KIAA0825: variants seen among roughly 807,000 people sequenced by gnomAD.
KIAA0825 encodes the protein KIAA0825.
In KIAA0825, 119 loss-of-function variants were observed where a neutral mutation model predicts 147.6. The observed-to-expected ratio is 0.81, with a 90% CI of 0.69 to 0.94. The LOEUF (loss-of-function observed/expected upper bound fraction) is 0.94. KIAA0825 is among the 40% of genes least tolerant of loss of function. KIAA0825 has a pLI of 0.00. For synonymous variants in KIAA0825, 470 were observed against 518.1 expected, an observed-to-expected ratio of 0.91 and a Z score of 1.26; for missense variants, 1,381 against 1,472.7, an observed-to-expected ratio of 0.94 and a Z score of 1.02.
chr5:94,480,902 A>T (rs1762428402), intron 6 of KIAA0825, among the ~76,000 whole-genome samples: 1 of 136,166 alleles, frequency 7.3e-6, no homozygotes, highest in Non-Finnish European at 1.6e-5. Flanking sequence ...TTTAGATAGG[A>T]TTACTAACAT....
intron 20 of KIAA0825, among the ~76,000 whole-genome samples, chr5:94,229,908 T>C (rs918525619): frequency 1.3e-5 from 2 of 152,176 alleles, no homozygotes; most frequent in Non-Finnish European, 2.9e-5. Context: ...GTATCTCTAA[T>C]TCCTATGGGT....
intron 5 of KIAA0825, among the ~76,000 whole-genome samples, chr5:94,503,576 CA>C (rs1252174659): frequency 6.6e-6 from 1 of 152,170 alleles, no homozygotes; most frequent in Admixed American, 6.5e-5. Flanking sequence ...ATGTCCTCAC[CA>C]GAATAGAATG....
At chr5:94,374,671 C>G (rs907413757) in intron 20 of KIAA0825, among the ~76,000 whole-genome samples, 4 of 152,156 alleles carry the variant, frequency 2.6e-5, no homozygotes, top group African/African-American at 9.7e-5. Context: ...GTGACTTTAG[C>G]TCCAGGCATC....
intron 3 of KIAA0825, among the ~76,000 whole-genome samples, chr5:94,529,275 G>GTATCATATATGTATA (rs1770105495): frequency 9.2e-6 from 1 of 108,538 alleles, no homozygotes; most frequent in African/African-American, 4.8e-5. Flanking sequence ...ATATATGTAT[G>GTATCATATATGTATA]TATCATATAT....
chr5:94,225,126 A>C (rs1303925171), intron 20 of KIAA0825, among the ~76,000 whole-genome samples: 1 of 152,192 alleles, frequency 6.6e-6, no homozygotes, highest in Admixed American at 6.5e-5. Context: ...GAGTACCTTC[A>C]GTGTGCAAGA....
chr5:94,549,952 A>G (rs1375449824), intron 2 of KIAA0825, among the ~76,000 whole-genome samples: 2 of 152,164 alleles, frequency 1.3e-5, no homozygotes, highest in African/African-American at 4.8e-5. Flanking sequence ...AAAGAAAACA[A>G]TAGAAAAGAT....
In KIAA0825 at chr5:94,231,913, A is replaced by G. The variant is rs141224347; in HGVS notation, c.3711-77789T>C. Among the ~76,000 whole-genome samples, 34 of 152,294 alleles carry G rather than the reference A, an allele frequency of 2.2e-4. No homozygotes were observed. In the East Asian group the frequency reaches 6.6e-3, roughly 29 times the overall value. ...GTGTATCTGGTTAGAGATATAACTA[A>G]CATGTTGGGAACTGTGTATAACTGG... is the stretch of plus-strand genomic sequence containing the variant. On this transcript the variant is annotated intron_variant, in intron 20 of 20. Transcript: ENST00000682413.
intron 20 of KIAA0825, among the ~76,000 whole-genome samples, chr5:94,160,429 C>G (rs1275801942): frequency 1.3e-5 from 2 of 149,104 alleles, no homozygotes; most frequent in African/African-American, 4.9e-5. Flanking sequence ...CATATGTATA[C>G]AGTATATATG....
At chr5:94,335,553 T>C (rs577449780) in intron 20 of KIAA0825, among the ~76,000 whole-genome samples, 94 of 152,258 alleles carry the variant, frequency 6.2e-4, no homozygotes, top group African/African-American at 2.1e-3. Flanking sequence ...TAATTTTATA[T>C]GTAAAAATAT....
intron 20 of KIAA0825, among the ~76,000 whole-genome samples, chr5:94,351,324 A>C (rs1783637802): frequency 6.6e-6 from 1 of 151,970 alleles, no homozygotes; most frequent in Non-Finnish European, 1.5e-5. Flanking sequence ...CTTTTACAAT[A>C]GCTGAAAAAA....
intron 20 of KIAA0825, among the ~76,000 whole-genome samples, chr5:94,257,371 A>T (rs1776298661): frequency 6.6e-6 from 1 of 152,072 alleles, no homozygotes; most frequent in Non-Finnish European, 1.5e-5. Flanking sequence ...AAAAAAGAAA[A>T]CCTGTTTGAA....
At chr5:94,529,405 C>CATATGTATATA (rs1561269409) in intron 3 of KIAA0825, among the ~76,000 whole-genome samples, 2 of 97,464 alleles carry the variant, frequency 2.1e-5, no homozygotes, top group Non-Finnish European at 4.6e-5. Context: ...ATATGTATAT[C>CATATGTATATA]TCATATATGT....
chr5:94,320,647 C>G (rs967400382), intron 20 of KIAA0825, among the ~76,000 whole-genome samples: 5 of 151,976 alleles, frequency 3.3e-5, no homozygotes, highest in Non-Finnish European at 7.4e-5. Context: ...TTTTATCCAA[C>G]TTGCTGTCTA....
intron 20 of KIAA0825, among the ~76,000 whole-genome samples, chr5:94,325,250 G>A (rs1300986658): frequency 1.3e-5 from 2 of 151,842 alleles, no homozygotes; most frequent in East Asian, 3.9e-4. Context: ...AATGTAATAG[G>A]ACCATGGATT....
intron 1 of KIAA0825, chr5:94,594,497 T>C (rs1784912629): frequency 1.3e-6 from 1 of 747,168 alleles, no homozygotes. Context: ...GAAGCCATAA[T>C]ATAACATTGG....
At chr5:94,308,093 T>C (rs1778863514) in intron 20 of KIAA0825, among the ~76,000 whole-genome samples, 1 of 150,934 alleles carries the variant, frequency 6.6e-6, no homozygotes. Flanking sequence ...TTTTAAAGAG[T>C]TTTTCAATAC....
chr5:94,532,236 C>A (rs1051683608), intron 3 of KIAA0825, among the ~76,000 whole-genome samples: 1 of 152,146 alleles, frequency 6.6e-6, no homozygotes, highest in Non-Finnish European at 1.5e-5. Flanking sequence ...CAGTCTCCAC[C>A]TCCCAGGCTC....
chr5:94,493,944 G>T (rs1302091966), intron 5 of KIAA0825, among the ~76,000 whole-genome samples: 1 of 152,026 alleles, frequency 6.6e-6, no homozygotes, highest in Admixed American at 6.6e-5. Flanking sequence ...CCACTGAAAG[G>T]CCCCACGTGA....
intron 2 of KIAA0825, among the ~76,000 whole-genome samples, chr5:94,550,198 A>C (rs970985929): frequency 6.6e-6 from 1 of 152,174 alleles, no homozygotes; most frequent in Non-Finnish European, 1.5e-5. Flanking sequence ...CTAAAAATTA[A>C]AACTCTGGTC....
Sources: gnomAD v4.1 joint callset for allele counts (sites outside exome capture counted in the v4.1 genomes callset) on GRCh38, gnomAD v4.1.1 for gene constraint, MANE v1.5 for transcripts, NCBI Gene and HGNC (gene_info 2026-07-23, HGNC 2026-07-21) for gene names.